The following HHAT variants were observed in gnomAD, a reference collection of about 807,000 sequenced individuals.
HHAT encodes the protein hedgehog acyltransferase.
Under a neutral mutation model 70.8 loss-of-function variants are expected in HHAT, and 47 were observed. That is an observed-to-expected ratio of 0.66 (90% CI 0.53 to 0.85). The LOEUF is 0.85. Ranked by LOEUF, HHAT falls within the 40% of genes least tolerant of loss-of-function variation. The pLI is 0.00. For synonymous variants in HHAT, 228 were observed against 247.6 expected (o/e 0.92, Z 0.74); for missense variants, 609 against 604.8 (o/e 1.01, Z -0.07).
At chr1:210,338,397 T>C (rs964342296) in intron 1 of HHAT, among the ~76,000 whole-genome samples, 1 of 152,158 alleles carries the variant, frequency 6.6e-6, no homozygotes, top group African/African-American at 2.4e-5. Flanking sequence ...TCATAGATGT[T>C]GGTCTGGAAG....
intron 1 of HHAT, among the ~76,000 whole-genome samples, chr1:210,331,891 A>G (rs1031706081): frequency 3.9e-5 from 6 of 152,312 alleles, no homozygotes; most frequent in South Asian, 2.1e-4. Context: ...AGTGGTGACT[A>G]CTTTTCTAGA....
At chr1:210,503,765 A>G (rs2094803067) in intron 8 of HHAT, among the ~76,000 whole-genome samples, 1 of 151,180 alleles carries the variant, frequency 6.6e-6, no homozygotes, top group African/African-American at 2.4e-5. Context: ...CTACTCCTCA[A>G]AGTTGCCGGT....
chr1:210,365,439 C>T (rs1002415623), intron 3 of HHAT, among the ~76,000 whole-genome samples: 3 of 148,852 alleles, frequency 2.0e-5, no homozygotes, highest in African/African-American at 7.5e-5. Context: ...ACATCAGCTT[C>T]CTGAGTAGCT....
At position 210,334,178 on chromosome 1, in the gene HHAT, A is replaced by ATTTTTTTTTTTTTTTTTTTTT. The variant is rs3033354; in HGVS notation, c.-44+5094_-44+5095insTTTTTTTTTTTTTTTTTTTTT. 6.1e-3 allele frequency among the ~76,000 whole-genome samples: 612 copies of ATTTTTTTTTTTTTTTTTTTTT among 99,910 alleles called. 146 individuals are homozygous for ATTTTTTTTTTTTTTTTTTTTT. The highest frequency in any genetic ancestry group is 0.011 in the Admixed American group (81 of 7,256). The allele number at this position is 99,910 out of a possible 152,430, so 65.5% of individuals were successfully genotyped here. The stretch of plus-strand genomic sequence containing the variant: ...TACTTGCTGGCCACTTTAGCGTGTC[A>ATTTTTTTTTTTTTTTTTTTTT]TTTTTTTTTTTTTTTTTTTTGAGAA... On this transcript the variant is annotated intron_variant, in intron 1 of 11. Coordinates refer to ENST00000261458, the MANE Select transcript of HHAT (RefSeq NM_018194.6).
At chr1:210,403,772 T>G (rs1222687424) in intron 5 of HHAT, among the ~76,000 whole-genome samples, 1 of 152,214 alleles carries the variant, frequency 6.6e-6, no homozygotes, top group Non-Finnish European at 1.5e-5. Flanking sequence ...AAATACTTCA[T>G]AATTTTACTC....
At chr1:210,450,013 G>A (rs535290531) in intron 7 of HHAT, among the ~76,000 whole-genome samples, 2 of 152,206 alleles carry the variant, frequency 1.3e-5, no homozygotes, top group Non-Finnish European at 2.9e-5. Flanking sequence ...TGAGAATATG[G>A]GCTTGGCGTG....
chr1:210,558,272 C>T (rs1007732116), intron 9 of HHAT, among the ~76,000 whole-genome samples: 29 of 152,166 alleles, frequency 1.9e-4, no homozygotes, highest in Admixed American at 1.9e-3. Context: ...CAGTGTCCCT[C>T]ATAGTTCCAG....
upstream of HHAT, chr1:210,328,127 C>T (rs940264818): frequency 9.9e-5 from 15 of 152,202 alleles, no homozygotes; most frequent in Non-Finnish European, 1.8e-4. Flanking sequence ...CATAGAACCA[C>T]CTGAGACGCC....
At chr1:210,514,112 A>G (rs2095009700) in intron 9 of HHAT, among the ~76,000 whole-genome samples, 2 of 152,234 alleles carry the variant, frequency 1.3e-5, no homozygotes, top group Non-Finnish European at 2.9e-5. Context: ...GGAAGTGTAC[A>G]TAATTGACAT....
chr1:210,599,440 C>A (rs1663741516), intron 10 of HHAT, among the ~76,000 whole-genome samples: 1 of 152,122 alleles, frequency 6.6e-6, no homozygotes, highest in Non-Finnish European at 1.5e-5. Flanking sequence ...TCAGACTTTG[C>A]ACGTGTAATA....
At chr1:210,371,420 G>A (rs2089561108) in intron 3 of HHAT, among the ~76,000 whole-genome samples, 1 of 152,218 alleles carries the variant, frequency 6.6e-6, no homozygotes, top group South Asian at 2.1e-4. Context: ...AAAGTGCTGG[G>A]ATTACAGGTG....
At chr1:210,386,331 C>G (rs181066884) in intron 3 of HHAT, among the ~76,000 whole-genome samples, 1 of 142,728 alleles carries the variant, frequency 7.0e-6, no homozygotes, top group East Asian at 2.0e-4. Flanking sequence ...CTCCGCCTCC[C>G]GGGTTCACGC....
intron 1 of HHAT, among the ~76,000 whole-genome samples, chr1:210,344,343 G>A (rs939286058): frequency 6.6e-6 from 1 of 152,086 alleles, no homozygotes; most frequent in Non-Finnish European, 1.5e-5. Flanking sequence ...TTCTGCTGGG[G>A]CCACTGTCTG....
intron 10 of HHAT, among the ~76,000 whole-genome samples, chr1:210,612,703 T>C (rs1379999204): frequency 6.6e-6 from 1 of 152,168 alleles, no homozygotes; most frequent in East Asian, 1.9e-4. Context: ...TTGTGTTTAA[T>C]TTTTTGAGAA....
chr1:210,348,953 G>A lies in HHAT; in HGVS notation c.-23G>A, dbSNP rs372981376. 1.2e-5 allele frequency: 19 copies of A among 1,611,606 alleles called. No individual in the cohort carries two copies. The highest frequency in any genetic ancestry group is 8.0e-5 in the African/African-American group (6 of 74,778). On this transcript the variant is annotated 5_prime_UTR_variant, in exon 2 of 12. Transcript: ENST00000261458. ...CTCAGAAACTCTCAGCGTAGGCATC[G>A]GGAACCTTCGTGCCAAGGAGCCATG...
chr1:210,332,965 C>T (rs2085129122), intron 1 of HHAT, among the ~76,000 whole-genome samples: 1 of 152,182 alleles, frequency 6.6e-6, no homozygotes, highest in African/African-American at 2.4e-5. Flanking sequence ...AGCTTGTGGG[C>T]TTACCAAAAC....
Position 210,570,514 on chromosome 1 carries a change from T to C in HHAT, c.1044-17384T>C, listed in dbSNP as rs1008150398. On this transcript the variant is annotated intron_variant, in intron 9 of 11. Transcript: ENST00000261458. The stretch of plus-strand genomic sequence containing the variant: ...AAGAACACGGAGGACTCTGCAGCTG[T>C]GCCAGAGGCAGCCATGTGCCCAGGG... Among the ~76,000 whole-genome samples the C allele has an allele frequency of 2.0e-5, 3 of 152,158 alleles. No individual in the cohort carries two copies. In the East Asian group the frequency reaches 5.8e-4, roughly 29 times the overall value.
chr1:210,656,464 C>CA (rs1194151813), intron 11 of HHAT, among the ~76,000 whole-genome samples: 8 of 152,282 alleles, frequency 5.3e-5, no homozygotes, highest in African/African-American at 1.7e-4. Context: ...GAGATGACAG[C>CA]AGCAGTGATC....
intron 9 of HHAT, among the ~76,000 whole-genome samples, chr1:210,547,585 A>C (rs1421527344): frequency 6.6e-6 from 1 of 152,174 alleles, no homozygotes; most frequent in Admixed American, 6.5e-5. Flanking sequence ...TCTATTTGGC[A>C]GTTTTCCAAT....
Sources: gnomAD v4.1 joint callset for allele counts (sites outside exome capture counted in the v4.1 genomes callset) on GRCh38, gnomAD v4.1.1 for gene constraint, MANE v1.5 for transcripts, NCBI Gene and HGNC (gene_info 2026-07-23, HGNC 2026-07-21) for gene names.